FOXP4: variants seen among roughly 807,000 people sequenced by gnomAD.
The protein encoded by FOXP4 is forkhead box P4, also known as forkhead box protein P4.
A neutral mutation model predicts 82.6 loss-of-function variants in FOXP4; 25 were observed. The observed-to-expected ratio is 0.30, with a 90% confidence interval of 0.22 to 0.42. The LOEUF (loss-of-function observed/expected upper bound fraction) is 0.42, where lower values mean the gene tolerates loss of function less well. Among genes scored for constraint, FOXP4 ranks in the 10% least tolerant of loss-of-function variants. The probability of loss-of-function intolerance (pLI) is 1.00; values close to 1 mark genes in which losing one functional copy is unlikely to be tolerated. For synonymous variants in FOXP4, 415 were observed against 388.2 expected, an observed-to-expected ratio of 1.07 and a Z score of -0.81; for missense variants, 785 against 900.9, an observed-to-expected ratio of 0.87 and a Z score of 1.65.
intron 2 of FOXP4, among the ~76,000 whole-genome samples, chr6:41,577,523 C>T (rs1158767749): frequency 6.6e-6 from 1 of 152,160 alleles, no homozygotes; most frequent in African/African-American, 2.4e-5. Context: ...TACTTAACCT[C>T]CTGGAGACTC....
chr6:41,598,771 G>A lies in FOXP4; in HGVS notation c.1896-18G>A, dbSNP rs77674981. Reference sequence around the variant, plus strand: ...CAGAGGACAGCCGCCTGGTGCCCATGCCATACTTTTGCCTCAGCCACCAGG... The same window carrying A: ...CAGAGGACAGCCGCCTGGTGCCCATACCATACTTTTGCCTCAGCCACCAGG... On this transcript the variant is annotated intron_variant, in intron 16 of 16. Transcript: ENST00000307972. The A allele has an allele frequency of 3.1e-3, 4,802 of 1,552,234 alleles. 133 individuals are homozygous for A. The African/African-American group carries it at 0.057, about 19-fold the overall frequency.
intron 1 of FOXP4, among the ~76,000 whole-genome samples, chr6:41,557,406 A>G (rs1338390499): frequency 6.6e-6 from 1 of 152,206 alleles, no homozygotes; most frequent in African/African-American, 2.4e-5. Context: ...CTATGCAACT[A>G]GTCAAAAATG....
At chr6:41,597,112 A>G (rs898871744) in intron 14 of FOXP4, 64 bp from the exon 15 acceptor site, 2 of 1,541,048 alleles carry the variant, frequency 1.3e-6, no homozygotes, top group South Asian at 1.1e-5. Flanking sequence ...TAGTGAGAGT[A>G]AAGAGATGCG....
At chr6:41,553,240 C>T (rs1056038297) in intron 1 of FOXP4, among the ~76,000 whole-genome samples, 1 of 151,554 alleles carries the variant, frequency 6.6e-6, no homozygotes, top group African/African-American at 2.4e-5. Context: ...CGATCCCCAT[C>T]GACGAGATTT....
intron 4 of FOXP4, among the ~76,000 whole-genome samples, chr6:41,585,160 G>C (rs572134668): frequency 6.6e-6 from 1 of 152,270 alleles, no homozygotes; most frequent in East Asian, 1.9e-4. Context: ...CAAAGTACTG[G>C]AACATTCTGG....
chr6:41,547,959 C>T (rs1763754690), intron 1 of FOXP4, among the ~76,000 whole-genome samples: 2 of 152,242 alleles, frequency 1.3e-5, no homozygotes, highest in Non-Finnish European at 1.5e-5. Flanking sequence ...CCATAAAGGA[C>T]CGGGTAATTT....
chr6:41,588,529 A>C, intron 8 of FOXP4, 115 bp from the exon 9 acceptor site: 3 of 986,038 alleles, frequency 3.0e-6, no homozygotes, highest in Non-Finnish European at 4.8e-6. Context: ...TCTTCTTTGT[A>C]TCTCTTGGTC....
intron 2 of FOXP4, among the ~76,000 whole-genome samples, chr6:41,573,900 C>T (rs1047358917): frequency 1.1e-4 from 17 of 152,104 alleles, no homozygotes; most frequent in African/African-American, 4.1e-4. Context: ...GGACATCATC[C>T]CCAAACCACA....
intron 1 of FOXP4, among the ~76,000 whole-genome samples, chr6:41,559,359 T>G (rs977657642): frequency 6.6e-6 from 1 of 152,206 alleles, no homozygotes; most frequent in African/African-American, 2.4e-5. Flanking sequence ...TACTTAAACA[T>G]TGGTCGCACC....
intron 3 of FOXP4, among the ~76,000 whole-genome samples, chr6:41,583,779 G>A (rs1397705188): frequency 6.6e-6 from 1 of 152,162 alleles, no homozygotes; most frequent in African/African-American, 2.4e-5. Flanking sequence ...AGCCTGGGGG[G>A]TTCAGGGGAG....
chr6:41,600,304 C>T lies in FOXP4; in HGVS notation c.*1368C>T, dbSNP rs1390993402. ...CTGCTTCCTGGGGGCTCTCCAGACC[C>T]CTCTCTAGGACCAAGTCACCCGTCG... On this transcript the variant is annotated 3_prime_UTR_variant, in exon 17 of 17. Coordinates refer to ENST00000307972, the MANE Select transcript of FOXP4 (RefSeq NM_001012426.2). 6.6e-6 allele frequency: 1 copy of T among 152,662 alleles called. No homozygotes were observed. Among genetic ancestry groups the T allele is most frequent in the Non-Finnish European group, 1.5e-5 (1 of 68,182 alleles). The allele number at this position is 152,662 out of a possible 1,614,324, so 9.5% of individuals were successfully genotyped here.
chr6:41,568,811 G>A (rs1206657709), intron 2 of FOXP4, among the ~76,000 whole-genome samples: 1 of 152,232 alleles, frequency 6.6e-6, no homozygotes, highest in East Asian at 1.9e-4. Flanking sequence ...TGACAGAGAG[G>A]AGAGAGATAA....
At chr6:41,559,311 G>A (rs1269551467) in intron 1 of FOXP4, among the ~76,000 whole-genome samples, 2 of 152,182 alleles carry the variant, frequency 1.3e-5, no homozygotes, top group Non-Finnish European at 2.9e-5. Context: ...GTCCTGCTCT[G>A]CTGGAGTCTG....
intron 13 of FOXP4, among the ~76,000 whole-genome samples, chr6:41,592,075 GGA>G (rs773988809): frequency 2.6e-5 from 4 of 152,082 alleles, no homozygotes; most frequent in Non-Finnish European, 5.9e-5. Flanking sequence ...GGGGGAAGAA[GGA>G]GAGAGTGTTC....
rs757873080 is a variant in FOXP4, at chr6:41,584,763, C to T, written c.301-6C>T. On this transcript the variant is annotated splice_polypyrimidine_tract_variant and splice_region_variant and intron_variant, in intron 3 of 16. Coordinates refer to ENST00000307972, the MANE Select transcript of FOXP4 (RefSeq NM_001012426.2). ...GGGGACAGGGCTAACGGGCCGAATC[C>T]TGCAGGTGCCTGTGTCGGTGGCCAT... 34 of 1,582,646 alleles carry T rather than the reference C, an allele frequency of 2.1e-5. No homozygotes were observed. The highest frequency in any genetic ancestry group is 2.9e-5 in the Non-Finnish European group (34 of 1,164,424).
intron 14 of FOXP4, among the ~76,000 whole-genome samples, chr6:41,595,423 C>T (rs925076363): frequency 1.3e-5 from 2 of 152,060 alleles, no homozygotes; most frequent in African/African-American, 2.4e-5. Flanking sequence ...ATTCATCTTA[C>T]GGCAGAGGAG....
chr6:41,593,455 C>T lies in FOXP4; in HGVS notation c.1537-1415C>T, dbSNP rs955905626. 2.0e-5 allele frequency among the ~76,000 whole-genome samples: 3 copies of T among 152,158 alleles called. No individual in the cohort carries two copies. The highest frequency in any genetic ancestry group is 1.9e-4 in the East Asian group (1 of 5,188). ...TGTTGTGGGCCCGTCCTTTTGTTTA[C>T]GAAGCCCCTGCCAGACCCCTTAAAT... On this transcript the variant is annotated intron_variant, in intron 13 of 16. Coordinates refer to ENST00000307972, the MANE Select transcript of FOXP4 (RefSeq NM_001012426.2). This position sits in a 1 kb window ranked among gnomAD's most constrained non-coding sequence, Gnocchi z 4.1.
chr6:41,588,969 C>T (rs1048299469), intron 9 of FOXP4, among the ~76,000 whole-genome samples: 51 of 152,130 alleles, frequency 3.4e-4, no homozygotes, highest in African/African-American at 1.2e-3. Context: ...AAGAGACTCA[C>T]GCTACATAGA....
Position 41,587,460 on chromosome 6 carries a change from C to A in FOXP4, c.820C>A (p.His274Asn), listed in dbSNP as rs570902052. The part of the protein sequence containing the change: ...APPKVSPPLS[H>N]HTLPNGQPTV... Reference sequence around the variant, plus strand: ...CCCCAAGGTCTCACCCCCCCTCTCCCACCATACCCTGCCCAACGGACAGCC... The same window carrying A: ...CCCCAAGGTCTCACCCCCCCTCTCCAACCATACCCTGCCCAACGGACAGCC... Residue 274 changes from histidine to asparagine, a missense_variant, in exon 7 of 17, where the codon CAC (histidine) becomes AAC (asparagine). Physicochemically the swap from His to Asn is moderately conservative, Grantham distance 68. This residue lies in a region of FOXP4 where 570 missense variants were observed against 634.0 expected (regional missense o/e 0.90). Coordinates refer to ENST00000307972, the MANE Select transcript of FOXP4 (RefSeq NM_001012426.2). 3.2e-6 allele frequency: 5 copies of A among 1,550,124 alleles called. No individual in the cohort carries two copies. The South Asian group carries it at 6.2e-5, about 19-fold the overall frequency.
Sources: allele counts gnomAD v4.1 joint callset (sites outside exome capture counted in the v4.1 genomes callset), GRCh38; gene constraint gnomAD v4.1.1; regional missense constraint gnomAD v4.1.1; non-coding constraint Gnocchi (gnomAD v3.1); transcripts MANE v1.5; gene names NCBI Gene and HGNC (gene_info 2026-07-23, HGNC 2026-07-21).